The following RAPGEF4 variants were observed in gnomAD, a reference collection of about 807,000 sequenced individuals.
RAPGEF4 encodes Rap guanine nucleotide exchange factor 4.
Under a neutral mutation model 147.9 loss-of-function variants are expected in RAPGEF4, and 66 were observed. That is an observed-to-expected ratio of 0.45 (90% confidence interval 0.37 to 0.55). The LOEUF is 0.55. Ranked by LOEUF, RAPGEF4 falls within the 20% of genes least tolerant of loss-of-function variation. The pLI is 0.00. For synonymous variants in RAPGEF4, 419 were observed against 442.7 expected (o/e 0.95, Z 0.67); for missense variants, 1,071 against 1,257.3 (o/e 0.85, Z 2.24).
In RAPGEF4 at chr2:172,960,912, A is replaced by T; in HGVS notation, c.591+99A>T. The T allele has an allele frequency of 3.8e-6, 4 of 1,053,928 alleles. No individual in the cohort carries two copies. In the South Asian group the frequency reaches 4.4e-5, roughly 12 times the overall value. 65.3% of individuals were successfully genotyped at this position (1,053,928 alleles called of 1,614,324 possible). A position where few individuals can be genotyped will look rare whatever the true frequency, so the allele number is the denominator to read the frequency against. ...AGGGGATCACATCAGGAAGCCTCTG[A>T]TACATTTTCTAGAGACAGGAAATAT... On this transcript the variant is annotated intron_variant, in intron 7 of 30. Coordinates refer to ENST00000397081, the MANE Select transcript of RAPGEF4 (RefSeq NM_007023.4).
At chr2:172,801,313 G>A (rs1448854644) in intron 3 of RAPGEF4, among the ~76,000 whole-genome samples, 1 of 152,196 alleles carries the variant, frequency 6.6e-6, no homozygotes, top group African/African-American at 2.4e-5. Flanking sequence ...AGAGAAAAGA[G>A]GTGATGGCAC....
At chr2:172,970,399 G>A (rs3754757) in intron 10 of RAPGEF4, among the ~76,000 whole-genome samples, 41,573 of 152,010 alleles carry the variant, frequency 0.27, 6,776 homozygotes, top group East Asian at 0.43. Context: ...GAAATGTGGA[G>A]GCATGAGATG....
chr2:172,821,401 C>G (rs1026771023), intron 4 of RAPGEF4, among the ~76,000 whole-genome samples: 1 of 152,138 alleles, frequency 6.6e-6, no homozygotes. Context: ...GTCAGGAGCC[C>G]GAGCTTACTT....
intron 4 of RAPGEF4, among the ~76,000 whole-genome samples, chr2:172,826,339 A>T (rs1689666402): frequency 6.6e-6 from 1 of 152,226 alleles, no homozygotes; most frequent in African/African-American, 2.4e-5. Context: ...TGGAGAAAGT[A>T]CTGAAACTCT....
chr2:172,814,029 C>T (rs996675123), intron 3 of RAPGEF4, among the ~76,000 whole-genome samples: 4 of 152,092 alleles, frequency 2.6e-5, no homozygotes, highest in Non-Finnish European at 5.9e-5. Flanking sequence ...TCTTTCATGA[C>T]GGAAATCAGA....
chr2:173,050,762 A>AAC (rs1686128600), intron 30 of RAPGEF4, among the ~76,000 whole-genome samples: 1 of 151,178 alleles, frequency 6.6e-6, no homozygotes, highest in East Asian at 1.9e-4. Flanking sequence ...CTTAACAAAA[A>AAC]AAAAAAAAAA....
intron 12 of RAPGEF4, among the ~76,000 whole-genome samples, 194 bp downstream of exon 12, chr2:172,985,687 C>T (rs1020961594): frequency 2.0e-5 from 3 of 152,120 alleles, no homozygotes; most frequent in Non-Finnish European, 4.4e-5. Flanking sequence ...TCTGAAGTAT[C>T]GTGGTTTTCT....
intron 1 of RAPGEF4, among the ~76,000 whole-genome samples, chr2:172,753,875 T>TAC (rs58877556): frequency 0.83 from 121,443 of 146,512 alleles, 51,847 homozygotes; most frequent in South Asian, 0.95. Flanking sequence ...ACAGTGTATG[T>TAC]ACACACACAC....
intron 17 of RAPGEF4, among the ~76,000 whole-genome samples, chr2:173,009,056 T>G (rs1475029214): frequency 6.6e-6 from 1 of 152,184 alleles, no homozygotes; most frequent in Non-Finnish European, 1.5e-5. Flanking sequence ...GTGGTTCAGT[T>G]CCGAGAAGAT....
In RAPGEF4 at chr2:173,027,248, G is replaced by A. The variant is rs1004049822; in HGVS notation, c.2547G>A (p.Lys849=). The A allele has an allele frequency of 4.4e-6, 7 of 1,592,788 alleles. No homozygotes were observed. The highest frequency in any genetic ancestry group is 1.7e-4 in the Middle Eastern group (1 of 6,012). Reference sequence around the variant, plus strand: ...TTCAGCTATTAAAAAAATTTATTAAGATAGCAGCCCAGTAAGTATATTTAG... The same window carrying A: ...TTCAGCTATTAAAAAAATTTATTAAAATAGCAGCCCAGTAAGTATATTTAG... The part of the protein sequence containing the change: ...KRVQLLKKFI[K]IAAHCKEYKN... The change falls in exon 25 of 31, where the codon AAG becomes AAA. Residue 849 remains lysine, a synonymous_variant. Transcript: ENST00000397081.
At chr2:172,925,586 GTA>G (rs1491365921) in intron 6 of RAPGEF4, among the ~76,000 whole-genome samples, 1 of 45,850 alleles carries the variant, frequency 2.2e-5, no homozygotes, top group African/African-American at 5.9e-5. Context: ...GACTCTGTCT[GTA>G]CACACACACA....
intron 6 of RAPGEF4, chr2:172,928,275 C>A: frequency 2.2e-6 from 1 of 450,540 alleles, no homozygotes; most frequent in Non-Finnish European, 4.5e-6. Context: ...TTTCTTTCTG[C>A]TTTTTATTCC....
At chr2:172,901,914 C>T (rs770008546) in intron 4 of RAPGEF4, among the ~76,000 whole-genome samples, 9 of 152,008 alleles carry the variant, frequency 5.9e-5, no homozygotes, top group South Asian at 2.1e-4. Flanking sequence ...CACTCAGATG[C>T]GGGGCATAAT....
chr2:172,990,942 C>T lies in RAPGEF4; in HGVS notation c.1490+17C>T, dbSNP rs748746265. On this transcript the variant is annotated intron_variant, in intron 15 of 30. Coordinates refer to ENST00000397081, the MANE Select transcript of RAPGEF4 (RefSeq NM_007023.4). ...TCAGCAAAAGTATGTTTGCATCCAA[C>T]ACTGTAATTGCCAGACTATGATTAA... is the stretch of plus-strand genomic sequence containing the variant. 6 of 1,538,940 alleles carry T rather than the reference C, an allele frequency of 3.9e-6. No individual in the cohort carries two copies. Among genetic ancestry groups the T allele is most frequent in the South Asian group, 2.2e-5 (2 of 89,084 alleles).
intron 1 of RAPGEF4, among the ~76,000 whole-genome samples, chr2:172,739,351 A>C (rs975912865): frequency 1.3e-5 from 2 of 150,338 alleles, no homozygotes; most frequent in Non-Finnish European, 3.0e-5. Flanking sequence ...AAGTGTGCTG[A>C]CCATTGTTTA....
intron 12 of RAPGEF4, among the ~76,000 whole-genome samples, chr2:172,987,421 T>C (rs953296234): frequency 6.6e-6 from 1 of 152,216 alleles, no homozygotes; most frequent in East Asian, 1.9e-4. Context: ...GTAGTGGTGA[T>C]CATTCTAACT....
chr2:173,031,270 C>T (rs1051810372), intron 26 of RAPGEF4, among the ~76,000 whole-genome samples: 12 of 152,320 alleles, frequency 7.9e-5, no homozygotes, highest in African/African-American at 2.9e-4. Flanking sequence ...CACAGCAGCT[C>T]ATCCCCTGAA....
At chr2:172,915,466 C>T (rs1683962204) in intron 4 of RAPGEF4, among the ~76,000 whole-genome samples, 2 of 151,498 alleles carry the variant, frequency 1.3e-5, no homozygotes, top group Admixed American at 6.6e-5. Context: ...TTTGGGAGGC[C>T]GAGGCGGGTG....
chr2:172,764,540 A>G (rs1696648991), intron 1 of RAPGEF4, among the ~76,000 whole-genome samples: 1 of 152,198 alleles, frequency 6.6e-6, no homozygotes, highest in African/African-American at 2.4e-5. Flanking sequence ...TGGGTGGAAG[A>G]TGTGATCTCA....
Sources: gnomAD v4.1 joint callset for allele counts (sites outside exome capture counted in the v4.1 genomes callset) on GRCh38, gnomAD v4.1.1 for gene constraint, MANE v1.5 for transcripts, NCBI Gene and HGNC (gene_info 2026-07-23, HGNC 2026-07-21) for gene names.